Variants in IDO2 observed in about 807,000 individuals in gnomAD.
IDO2 encodes indoleamine 2,3-dioxygenase-like 1 protein.
A neutral mutation model predicts 45.1 loss-of-function variants in IDO2; 46 were observed. The ratio of observed to expected loss-of-function variants is 1.02; its 90% CI spans 0.80 to 1.30. The LOEUF (loss-of-function observed/expected upper bound fraction) is 1.30. Ranked by LOEUF, IDO2 falls within the 50% of genes most tolerant of loss-of-function variation. The pLI, the probability that IDO2 is intolerant of heterozygous loss-of-function variation, is 0.00. For synonymous variants in IDO2, 218 were observed against 184.9 expected (o/e 1.18, Z -1.45); for missense variants, 544 against 491.8 (o/e 1.11, Z -1.00).
chr8:39,953,991 T>TTC (rs1807850953), intron 2 of IDO2, among the ~76,000 whole-genome samples: 2 of 152,192 alleles, frequency 1.3e-5, no homozygotes. Flanking sequence ...ATGCCATTTG[T>TTC]TCTCTCTCTC....
At chr8:39,968,428 G>A (rs912227347) in intron 3 of IDO2, among the ~76,000 whole-genome samples, 3 of 152,138 alleles carry the variant, frequency 2.0e-5, no homozygotes, top group Admixed American at 1.3e-4. Context: ...GTTTTATATG[G>A]CACTCAGGTG....
intron 4 of IDO2, 104 bp downstream of exon 4, chr8:39,979,290 CT>C: frequency 8.0e-7 from 1 of 1,247,950 alleles, no homozygotes; most frequent in East Asian, 2.6e-5. Flanking sequence ...AAAATGGGTA[CT>C]TTCTTCTTCT....
intron 3 of IDO2, among the ~76,000 whole-genome samples, chr8:39,967,613 G>A (rs977641820): frequency 8.8e-4 from 134 of 152,068 alleles, no homozygotes; most frequent in African/African-American, 2.9e-3. Context: ...TCAGCTTCCC[G>A]AGTAGCTGGG....
intron 3 of IDO2, among the ~76,000 whole-genome samples, chr8:39,973,065 G>A (rs137979080): frequency 7.4e-4 from 113 of 152,208 alleles, no homozygotes; most frequent in African/African-American, 2.6e-3. Context: ...TATCTCCAGG[G>A]TATGCCTGTA....
chr8:39,951,861 T>C (rs1807819242), intron 2 of IDO2, among the ~76,000 whole-genome samples: 1 of 152,230 alleles, frequency 6.6e-6, no homozygotes, highest in Admixed American at 6.5e-5. Context: ...ATTCCCCTCT[T>C]TGTTCTTTCC....
chr8:39,959,614 G>A (rs527880825), intron 2 of IDO2, among the ~76,000 whole-genome samples: 190 of 152,098 alleles, frequency 1.2e-3, no homozygotes, highest in African/African-American at 4.2e-3. Context: ...CTTAGGTCAG[G>A]AGTTCAAGAC....
At chr8:39,943,735 C>CAAAAAA (rs61643070) in intron 1 of IDO2, among the ~76,000 whole-genome samples, 2 of 89,212 alleles carry the variant, frequency 2.2e-5, no homozygotes, top group African/African-American at 4.3e-5. Context: ...GACTCCATCT[C>CAAAAAA]AAAAAAAAAA....
intron 3 of IDO2, among the ~76,000 whole-genome samples, chr8:39,968,899 A>C (rs7015666): frequency 0.066 from 10,004 of 152,022 alleles, 696 homozygotes; most frequent in East Asian, 0.31. Flanking sequence ...AAAAAAAAAA[A>C]AAACAAACAA....
At chr8:39,985,794 A>T in intron 6 of IDO2, 1 of 350,152 alleles carries the variant, frequency 2.9e-6, no homozygotes, top group Non-Finnish European at 5.2e-6. Context: ...TGCAAACAAA[A>T]CAAAATGAAA....
intron 2 of IDO2, among the ~76,000 whole-genome samples, chr8:39,958,007 G>A (rs1244994632): frequency 1.3e-5 from 2 of 151,756 alleles, no homozygotes; most frequent in East Asian, 1.9e-4. Flanking sequence ...CTGGGTTCAC[G>A]CCATTCTCCC....
At chr8:39,985,741 C>T (rs1554547754) in intron 6 of IDO2, 2 of 526,370 alleles carry the variant, frequency 3.8e-6, no homozygotes, top group East Asian at 3.1e-5. Context: ...TTTTTTTTTA[C>T]TGTATTTTCC....
chr8:39,966,498 T>C lies in IDO2; in HGVS notation c.195+2795T>C, dbSNP rs180717131. On this transcript the variant is annotated intron_variant, in intron 3 of 10. Coordinates refer to ENST00000502986, the Ensembl canonical transcript of IDO2. ...CCTGTGAGAGGCAAATGTAATAGTT[T>C]CTAGAACCACAGATGGAGCTATAAC... 2.9e-4 allele frequency among the ~76,000 whole-genome samples: 44 copies of C among 152,336 alleles called. No individual in the cohort carries two copies. The East Asian group carries it at 8.5e-3, about 29-fold the overall frequency.
At position 39,992,537 on chromosome 8, in the gene IDO2, C is replaced by T. The variant is rs540194059; in HGVS notation, c.667+2699C>T. On this transcript the variant is annotated intron_variant, in intron 8 of 10. Coordinates refer to ENST00000502986, the Ensembl canonical transcript of IDO2. ...AACAGAATATAGTGGTTTTTTCACA[C>T]CTCTATGTTTGGAGTGGTTTCTATG... Among the ~76,000 whole-genome samples the T allele has an allele frequency of 3.9e-5, 6 of 152,232 alleles. No individual in the cohort carries two copies. The East Asian group carries it at 1.2e-3, about 29-fold the overall frequency.
chr8:39,938,537 C>T (rs1807591949), intron 1 of IDO2, among the ~76,000 whole-genome samples: 1 of 150,866 alleles, frequency 6.6e-6, no homozygotes, highest in East Asian at 1.9e-4. Flanking sequence ...TTGGAGATAA[C>T]TTTTTATATA....
intron 8 of IDO2, among the ~76,000 whole-genome samples, chr8:39,993,446 C>T (rs1334114181): frequency 6.6e-6 from 1 of 152,074 alleles, no homozygotes; most frequent in African/African-American, 2.4e-5. Flanking sequence ...AATGAGGAGT[C>T]GAAGGGTTTC....
chr8:39,976,224 G>A (rs1265664310), intron 3 of IDO2, among the ~76,000 whole-genome samples: 3 of 152,188 alleles, frequency 2.0e-5, no homozygotes, highest in Non-Finnish European at 2.9e-5. Context: ...TGATCTGCCC[G>A]TCTCAGCCTC....
At chr8:39,989,669 C>A in intron 7 of IDO2, 52 bp from the exon 8 acceptor site, 2 of 1,270,010 alleles carry the variant, frequency 1.6e-6, no homozygotes, top group Non-Finnish European at 1.1e-6. Flanking sequence ...ACTCTGCCTG[C>A]ATGGACTTTA....
At chr8:39,952,196 A>G (rs1038002377) in intron 2 of IDO2, among the ~76,000 whole-genome samples, 21 of 152,166 alleles carry the variant, frequency 1.4e-4, no homozygotes, top group African/African-American at 3.9e-4. Context: ...CAGCCACTAA[A>G]ATCACCAGGC....
intron 8 of IDO2, among the ~76,000 whole-genome samples, chr8:39,990,361 A>G (rs1350992276): frequency 1.3e-5 from 2 of 152,188 alleles, no homozygotes; most frequent in African/African-American, 4.8e-5. Context: ...CAGAATCAAA[A>G]TGGAGTCACT....
Sources: gnomAD v4.1 joint callset for allele counts (sites outside exome capture counted in the v4.1 genomes callset) on GRCh38, gnomAD v4.1.1 for gene constraint, MANE v1.5 for transcripts, NCBI Gene and HGNC (gene_info 2026-07-23, HGNC 2026-07-21) for gene names.